ZNF66: variants seen among roughly 807,000 people sequenced by gnomAD.
ZNF66 encodes putative zinc finger protein 66.
Under a neutral mutation model 35.2 loss-of-function variants are expected in ZNF66, and 32 were observed. The observed-to-expected ratio is 0.91, with a 90% CI of 0.69 to 1.22. ZNF66 has a LOEUF of 1.22. Ranked by LOEUF, ZNF66 falls within the 50% of genes most tolerant of loss-of-function variation. ZNF66 has a pLI of 0.00. For missense variants in ZNF66, 666 were observed against 543.1 expected, an observed-to-expected ratio of 1.23 and a Z score of -2.25; for synonymous variants, 231 against 181.3, an observed-to-expected ratio of 1.27 and a Z score of -2.20.
chr19:20,792,819 G>A (rs937733703), intron 2 of ZNF66, among the ~76,000 whole-genome samples, 181 bp downstream of exon 2: 3 of 152,070 alleles, frequency 2.0e-5, no homozygotes, highest in Admixed American at 2.0e-4. Flanking sequence ...TGTAATCCCA[G>A]CACTTTGGGA....
At chr19:20,776,529 A>C in intron 1 of ZNF66, 79 bp downstream of exon 1, 1 of 1,453,948 alleles carries the variant, frequency 6.9e-7, no homozygotes, top group South Asian at 1.1e-5. Flanking sequence ...TCAGCTCCAC[A>C]ATCTGCACCC....
At chr19:20,804,010 A>G (rs1971475849) in intron 3 of ZNF66, among the ~76,000 whole-genome samples, 1 of 151,992 alleles carries the variant, frequency 6.6e-6, no homozygotes, top group African/African-American at 2.4e-5. Context: ...AGCTCCCAAA[A>G]TTCTCTTATC....
chr19:20,798,100 C>T (rs1971412491), intron 3 of ZNF66, among the ~76,000 whole-genome samples: 1 of 151,838 alleles, frequency 6.6e-6, no homozygotes, highest in South Asian at 2.1e-4. Flanking sequence ...GTAGTTTTAT[C>T]TTGTCTAAGT....
At chr19:20,784,204 A>C (rs563770460) in intron 1 of ZNF66, among the ~76,000 whole-genome samples, 1 of 152,314 alleles carries the variant, frequency 6.6e-6, no homozygotes, top group East Asian at 1.9e-4. Flanking sequence ...TGAATCACTT[A>C]AATGGTTATT....
chr19:20,777,728 C>T (rs974594712), intron 1 of ZNF66, among the ~76,000 whole-genome samples: 1 of 151,962 alleles, frequency 6.6e-6, no homozygotes, highest in East Asian at 1.9e-4. Flanking sequence ...TGGGTTCAAG[C>T]GATTCTCCTG....
intron 1 of ZNF66, among the ~76,000 whole-genome samples, chr19:20,790,923 G>A (rs185978042): frequency 2.0e-5 from 3 of 152,224 alleles, no homozygotes; most frequent in East Asian, 1.9e-4. Context: ...ATAGTCAAAC[G>A]TGTCTGAAAA....
In ZNF66 at chr19:20,808,624, C is replaced by T. The variant is rs546094093; in HGVS notation, c.*1302C>T. On this transcript the variant is annotated 3_prime_UTR_variant, in exon 4 of 4. Coordinates refer to ENST00000344519, the MANE Select transcript of ZNF66 (RefSeq NM_001355197.2). ...CCTCTAGCAAACTCCAACAGACCTG[C>T]AGCTGAGGGTCCTGTCTGTTAGAAG... Among the ~76,000 whole-genome samples, 5 of 152,290 alleles carry T rather than the reference C, an allele frequency of 3.3e-5. No homozygotes were observed. The highest frequency in any genetic ancestry group is 2.0e-4 in the Admixed American group (3 of 15,292).
chr19:20,809,921 G>A lies in ZNF66; in HGVS notation c.*2599G>A, dbSNP rs1428940590. On this transcript the variant is annotated 3_prime_UTR_variant, in exon 4 of 4. Transcript: ENST00000344519. Reference sequence around the variant, plus strand: ...AATAGTCAAGACCCATCAGGGTGCTGTATTCAGGAAACCCATCTCACGTGC... The same window carrying A: ...AATAGTCAAGACCCATCAGGGTGCTATATTCAGGAAACCCATCTCACGTGC... Among the ~76,000 whole-genome samples the A allele has an allele frequency of 6.6e-6, 1 of 152,146 alleles. No individual in the cohort carries two copies. Among genetic ancestry groups the A allele is most frequent in the Non-Finnish European group, 1.5e-5 (1 of 68,032 alleles).
Position 20,805,126 on chromosome 19 carries a change from T to TGTGTGAGAGAGA in ZNF66, c.227-700_227-699insTGTGAGAGAGAG, listed in dbSNP as rs752355466. 4.4e-3 allele frequency among the ~76,000 whole-genome samples: 649 copies of TGTGTGAGAGAGA among 146,056 alleles called. 8 individuals are homozygous for TGTGTGAGAGAGA. Among genetic ancestry groups the TGTGTGAGAGAGA allele is most frequent in the South Asian group, 0.011 (52 of 4,534 alleles). ...TTACATTTGTGTGTGTGTGTGTGTGTGAGAGAGAGAGAGAGAGAGAGAGAG... is the reference window on the plus strand; with the variant it reads ...TTACATTTGTGTGTGTGTGTGTGTGTGTGTGAGAGAGAGAGAGAGAGAGAGAGAGAGAGAGAG... On this transcript the variant is annotated intron_variant, in intron 3 of 3. Coordinates refer to ENST00000344519, the MANE Select transcript of ZNF66 (RefSeq NM_001355197.2).
intron 1 of ZNF66, among the ~76,000 whole-genome samples, chr19:20,778,396 G>A (rs73007842): frequency 0.093 from 14,190 of 152,234 alleles, 674 homozygotes; most frequent in Middle Eastern, 0.11. Flanking sequence ...CACAGTGCCC[G>A]GCCTACTGCA....
rs761051322 is a variant in ZNF66, at chr19:20,792,529, A to C, written c.21A>C (p.Arg7Ser). Residue 7 changes from arginine (R) to serine (S), a missense_variant, in exon 2 of 4, where the codon AGA becomes AGC. Transcript: ENST00000344519. ...TTTTTCAGGGGCCATTGCAATTTAG[A>C]GATGTGGCCATAGAATTCTCTCTGG... Reference protein sequence around the residue: MGPLQFRDVAIEFSLEE... With the variant: MGPLQFSDVAIEFSLEE... 1 of 1,532,354 alleles carries C rather than the reference A, an allele frequency of 6.5e-7. No homozygotes were observed. The highest frequency in any genetic ancestry group is 1.1e-5 in the South Asian group (1 of 87,462). 94.9% of individuals were successfully genotyped at this position (1,532,354 alleles called of 1,614,324 possible).
rs566697506 is a variant in ZNF66, at chr19:20,793,982, G to A, written c.226+104G>A. On this transcript the variant is annotated intron_variant, in intron 3 of 3. Coordinates refer to ENST00000344519, the MANE Select transcript of ZNF66 (RefSeq NM_001355197.2). The stretch of plus-strand genomic sequence containing the variant: ...GTGATTCTGGAAGCTGTGTTCCAAA[G>A]GAACTTCTGGGCAGCTGTTTTTTTT... 6.0e-4 allele frequency: 364 copies of A among 605,394 alleles called. 1 individual carries two copies. The Middle Eastern group carries it at 0.013, about 21-fold the overall frequency. 37.5% of individuals were successfully genotyped at this position (605,394 alleles called of 1,614,324 possible).
At chr19:20,798,883 G>A (rs537721483) in intron 3 of ZNF66, 29 of 152,046 alleles carry the variant, frequency 1.9e-4, no homozygotes, top group Non-Finnish European at 4.4e-5. Context: ...ATATTCCATT[G>A]TATGTGTATG....
At position 20,806,176 on chromosome 19, in the gene ZNF66, G is replaced by T; in HGVS notation, c.576G>T (p.Lys192Asn). Residue 192 changes from lysine to asparagine, a missense_variant, in exon 4 of 4, where the codon AAG becomes AAT. Lys to Asn is a moderately conservative substitution (Grantham distance 94). Transcript: ENST00000344519. ...GGTCCTCAACCTTTACTACACATAA[G>T]AAAATTCATACTGGAGAGAAACCCT... is the stretch of plus-strand genomic sequence containing the variant. ...FNRSSTFTTH[K>N]KIHTGEKPYK... 1 of 1,304,620 alleles carries T rather than the reference G, an allele frequency of 7.7e-7. No individual in the cohort carries two copies. Among genetic ancestry groups the T allele is most frequent in the Non-Finnish European group, 1.1e-6 (1 of 900,264 alleles). 80.8% of individuals were successfully genotyped at this position (1,304,620 alleles called of 1,614,324 possible). A position where few individuals can be genotyped will look rare whatever the true frequency, so the allele number is the denominator to read the frequency against.
intron 3 of ZNF66, among the ~76,000 whole-genome samples, chr19:20,801,608 C>G (rs112178271): frequency 0.093 from 14,091 of 151,264 alleles, 666 homozygotes; most frequent in Middle Eastern, 0.12. Context: ...GCCTCCCAAA[C>G]TATTGGGATT....
At chr19:20,784,426 G>A (rs1236541883) in intron 1 of ZNF66, among the ~76,000 whole-genome samples, 1 of 152,100 alleles carries the variant, frequency 6.6e-6, no homozygotes, top group African/African-American at 2.4e-5. Context: ...ATAACAATGA[G>A]TAAACACAAT....
At chr19:20,787,225 T>C (rs1971294660) in intron 1 of ZNF66, among the ~76,000 whole-genome samples, 1 of 152,210 alleles carries the variant, frequency 6.6e-6, no homozygotes, top group African/African-American at 2.4e-5. Flanking sequence ...CTAATTAAAG[T>C]GTAGATTCCA....
intron 1 of ZNF66, among the ~76,000 whole-genome samples, chr19:20,783,333 CA>C (rs1331614948): frequency 1.3e-5 from 2 of 152,114 alleles, no homozygotes; most frequent in Non-Finnish European, 2.9e-5. Context: ...AGTTCCAAAA[CA>C]AATTTTGCTA....
At chr19:20,776,827 G>A (rs946276504) in intron 1 of ZNF66, among the ~76,000 whole-genome samples, 3 of 152,110 alleles carry the variant, frequency 2.0e-5, no homozygotes, top group Non-Finnish European at 4.4e-5. Context: ...TATTAAAATT[G>A]TATGGGGCCG....
Sources: gnomAD v4.1 joint callset for allele counts (sites outside exome capture counted in the v4.1 genomes callset) on GRCh38, gnomAD v4.1.1 for gene constraint, MANE v1.5 for transcripts, NCBI Gene and HGNC (gene_info 2026-07-23, HGNC 2026-07-21) for gene names.